The following KCNIP1 variants were observed in gnomAD, a reference collection of about 807,000 sequenced individuals.
The protein encoded by KCNIP1 is potassium voltage-gated channel interacting protein 1.
KCNIP1 carries 18 observed loss-of-function variants against 33.0 expected under a neutral mutation model. That is an observed-to-expected ratio of 0.55 (90% confidence interval 0.38 to 0.81). The LOEUF is 0.81. KCNIP1 is among the 30% of genes least tolerant of loss of function. The pLI is 0.00. For synonymous variants in KCNIP1, 93 were observed against 98.3 expected (o/e 0.95, Z 0.32); for missense variants, 238 against 271.6 (o/e 0.88, Z 0.87).
chr5:170,686,783 T>G (rs1314966432), intron 1 of KCNIP1, among the ~76,000 whole-genome samples: 1 of 152,162 alleles, frequency 6.6e-6, no homozygotes, highest in Non-Finnish European at 1.5e-5. Flanking sequence ...CTTAGTATAT[T>G]CCATGCAGCA....
At chr5:170,444,192 C>T (rs563040381) in intron 1 of KCNIP1, among the ~76,000 whole-genome samples, 27 of 152,282 alleles carry the variant, frequency 1.8e-4, no homozygotes, top group Non-Finnish European at 3.2e-4. Context: ...CAAAATGACT[C>T]TCCCTGGGCT....
chr5:170,459,957 T>A (rs1279290526), intron 1 of KCNIP1, among the ~76,000 whole-genome samples: 1 of 151,906 alleles, frequency 6.6e-6, no homozygotes, highest in Non-Finnish European at 1.5e-5. Flanking sequence ...TTAACCAAGA[T>A]AGGAAGAGAG....
chr5:170,450,787 A>T (rs1395356622), intron 1 of KCNIP1, among the ~76,000 whole-genome samples: 2 of 152,012 alleles, frequency 1.3e-5, no homozygotes, highest in Non-Finnish European at 2.9e-5. Flanking sequence ...GATCCCTTCC[A>T]TTTTGAGGCT....
Position 170,458,621 on chromosome 5 carries a change from T to G in KCNIP1, c.88+104657T>G, listed in dbSNP as rs184636212. On this transcript the variant is annotated intron_variant, in intron 1 of 7. Transcript: ENST00000377360. ...CTAAGCTTTATAAATGAAGGAAAGATACAGTCTTTTTCAGATAAACAAATG... is the reference window on the plus strand; with the variant it reads ...CTAAGCTTTATAAATGAAGGAAAGAGACAGTCTTTTTCAGATAAACAAATG... 2.6e-3 allele frequency among the ~76,000 whole-genome samples: 391 copies of G among 152,328 alleles called. 4 individuals are homozygous for G. Among genetic ancestry groups the G allele is most frequent in the South Asian group, 0.012 (59 of 4,822 alleles).
intron 1 of KCNIP1, among the ~76,000 whole-genome samples, chr5:170,657,263 T>C (rs954020473): frequency 1.2e-4 from 19 of 152,298 alleles, no homozygotes; most frequent in African/African-American, 4.6e-4. Context: ...CCCAAAGTCC[T>C]GGGATTACAG....
intron 1 of KCNIP1, among the ~76,000 whole-genome samples, chr5:170,676,249 G>A (rs1446648321): frequency 6.6e-6 from 1 of 151,458 alleles, no homozygotes; most frequent in Non-Finnish European, 1.5e-5. Context: ...AGGGAGGAAG[G>A]GAGATATCAT....
intron 1 of KCNIP1, among the ~76,000 whole-genome samples, chr5:170,677,971 C>G (rs1376446130): frequency 6.6e-6 from 1 of 152,150 alleles, no homozygotes; most frequent in Non-Finnish European, 1.5e-5. Flanking sequence ...ATCTCCAATA[C>G]AAACATATTC....
chr5:170,613,379 T>C (rs1759249806), intron 1 of KCNIP1, among the ~76,000 whole-genome samples: 1 of 152,236 alleles, frequency 6.6e-6, no homozygotes, highest in Non-Finnish European at 1.5e-5. Context: ...GCTTATTTTA[T>C]GTCAAGTGTG....
At chr5:170,444,416 A>G (rs930961234) in intron 1 of KCNIP1, among the ~76,000 whole-genome samples, 2 of 152,046 alleles carry the variant, frequency 1.3e-5, no homozygotes, top group Non-Finnish European at 2.9e-5. Flanking sequence ...GACCCAGAGG[A>G]TTCCACAGGC....
At chr5:170,590,128 A>T (rs1758192233) in intron 1 of KCNIP1, among the ~76,000 whole-genome samples, 1 of 152,108 alleles carries the variant, frequency 6.6e-6, no homozygotes, top group African/African-American at 2.4e-5. Flanking sequence ...ATTTTATTGG[A>T]CACAAGTTTG....
intron 1 of KCNIP1, among the ~76,000 whole-genome samples, chr5:170,437,540 C>A (rs1755893742): frequency 6.6e-6 from 1 of 152,220 alleles, no homozygotes; most frequent in Admixed American, 6.5e-5. Context: ...CCCAAGGGAG[C>A]AGAGCCAAGA....
At chr5:170,735,639 A>G (rs1581563090) in intron 7 of KCNIP1, 120 bp from the exon 8 acceptor site, 1 of 810,578 alleles carries the variant, frequency 1.2e-6, no homozygotes, top group Non-Finnish European at 2.1e-6. Context: ...CTTGTTTTTC[A>G]TACCCTTGTA....
At chr5:170,638,323 G>A (rs1197626353) in intron 1 of KCNIP1, among the ~76,000 whole-genome samples, 2 of 152,116 alleles carry the variant, frequency 1.3e-5, no homozygotes, top group African/African-American at 2.4e-5. Context: ...TGCCAGGCAC[G>A]TGCTGGCCTC....
intron 1 of KCNIP1, among the ~76,000 whole-genome samples, chr5:170,575,891 T>C (rs1353410731): frequency 6.6e-6 from 1 of 152,236 alleles, no homozygotes; most frequent in East Asian, 1.9e-4. Flanking sequence ...ACTGAAAAGT[T>C]TAACCCAGGC....
chr5:170,592,849 A>G (rs184761302), intron 1 of KCNIP1, among the ~76,000 whole-genome samples: 1 of 152,314 alleles, frequency 6.6e-6, no homozygotes, highest in East Asian at 1.9e-4. Flanking sequence ...TGCTGCCTAA[A>G]TAGTAGAAAT....
intron 1 of KCNIP1, among the ~76,000 whole-genome samples, chr5:170,697,408 G>T (rs144761046): frequency 7.1e-4 from 108 of 152,272 alleles, no homozygotes; most frequent in African/African-American, 2.5e-3. Flanking sequence ...GCACATATTA[G>T]ATACTTAGTA....
chr5:170,733,744 C>T (rs1764289941), intron 6 of KCNIP1, 92 bp from the exon 7 acceptor site: 4 of 1,052,552 alleles, frequency 3.8e-6, no homozygotes, highest in African/African-American at 3.2e-5. Flanking sequence ...AGCTCCAGCT[C>T]GTTACTCTGA....
At chr5:170,383,874 A>G (rs1764359400) in intron 1 of KCNIP1, 5 of 1,611,812 alleles carry the variant, frequency 3.1e-6, no homozygotes, top group Non-Finnish European at 4.2e-6. Flanking sequence ...ACACATGCAC[A>G]CATACACATC....
At chr5:170,558,714 A>G (rs1397693405) in intron 1 of KCNIP1, among the ~76,000 whole-genome samples, 1 of 152,246 alleles carries the variant, frequency 6.6e-6, no homozygotes, top group Non-Finnish European at 1.5e-5. Context: ...TTAAACTTTA[A>G]TGGTCCCCCG....
Sources: gnomAD v4.1 joint callset for allele counts (sites outside exome capture counted in the v4.1 genomes callset) on GRCh38, gnomAD v4.1.1 for gene constraint, MANE v1.5 for transcripts, NCBI Gene and HGNC (gene_info 2026-07-23, HGNC 2026-07-21) for gene names.